PFKFB4: variants seen among roughly 807,000 people sequenced by gnomAD.
PFKFB4 encodes the protein 6-phosphofructo-2-kinase/fructose-2,6-biphosphatase 4, also known as 6-phosphofructo-2-kinase/fructose-2,6-bisphosphatase 4.
In PFKFB4, 42 loss-of-function variants were observed where a neutral mutation model predicts 62.8. The ratio of observed to expected loss-of-function variants is 0.67; its 90% CI spans 0.52 to 0.86. PFKFB4 has a LOEUF of 0.86. Ranked by LOEUF, PFKFB4 falls within the 40% of genes least tolerant of loss-of-function variation. The pLI, the probability that PFKFB4 is intolerant of heterozygous loss-of-function variation, is 0.00. For synonymous variants in PFKFB4, 204 were observed against 240.7 expected, an observed-to-expected ratio of 0.85 and a Z score of 1.41; for missense variants, 475 against 627.2, an observed-to-expected ratio of 0.76 and a Z score of 2.59.
At chr3:48,560,338 A>G (rs2043413460), upstream of PFKFB4, among the ~76,000 whole-genome samples, 1 of 152,122 alleles carries the variant, frequency 6.6e-6, no homozygotes, top group African/African-American at 2.4e-5. Flanking sequence ...GAGGTTCAGG[A>G]GTTTCCAGGA....
intron 6 of PFKFB4, 29 bp downstream of exon 6, chr3:48,539,225 C>T: frequency 1.3e-6 from 2 of 1,581,412 alleles, no homozygotes; most frequent in Non-Finnish European, 1.7e-6. Context: ...CACACACGAC[C>T]TTCTGACAAG....
chr3:48,555,769 G>T (rs901818410), intron 1 of PFKFB4, among the ~76,000 whole-genome samples: 9 of 152,096 alleles, frequency 5.9e-5, no homozygotes, highest in African/African-American at 2.2e-4. Flanking sequence ...AGCTGGGTGT[G>T]GTGGCGCACC....
rs773932178 is a variant in PFKFB4, at chr3:48,536,321, C to T, written c.775G>A (p.Glu259Lys). Reference sequence around the variant, plus strand: ...CGGCCCTTGAGGTTGAGCTCGCTCTCCCCGTGCCGGCAGAGGTAGATGGAG... The same window carrying T: ...CGGCCCTTGAGGTTGAGCTCGCTCTTCCCGTGCCGGCAGAGGTAGATGGAG... ...PRSIYLCRHG[E>K]SELNLKGRIG... Residue 259 changes from glutamate (E) to lysine (K), a missense_variant, in exon 8 of 14, where the codon GAG (glutamate) becomes AAG (lysine). Glu to Lys is a moderately conservative substitution (Grantham distance 56). Transcript: ENST00000232375. 6.2e-7 allele frequency: 1 copy of T among 1,614,236 alleles called. No homozygotes were observed. Among genetic ancestry groups the T allele is most frequent in the Non-Finnish European group, 8.5e-7 (1 of 1,180,048 alleles).
At chr3:48,561,205 C>T, upstream of PFKFB4, 1 of 632,372 alleles carries the variant, frequency 1.6e-6, no homozygotes, top group Non-Finnish European at 2.3e-6. The surrounding 1 kb of genome is among the most constrained non-coding windows in gnomAD (Gnocchi z 5.2). Context: ...GAAGCGACTC[C>T]TGCGGCTCCT....
At chr3:48,524,684 C>T (rs1290866078) in intron 10 of PFKFB4, among the ~76,000 whole-genome samples, 1 of 152,188 alleles carries the variant, frequency 6.6e-6, no homozygotes, top group East Asian at 1.9e-4. Flanking sequence ...TTCCCAAGAG[C>T]TATACTATCC....
At chr3:48,536,607 G>A (rs2042626694) in intron 7 of PFKFB4, 144 bp from the exon 8 acceptor site, 1 of 643,464 alleles carries the variant, frequency 1.6e-6, no homozygotes, top group South Asian at 1.9e-5. Flanking sequence ...CAGCTGGTGT[G>A]CGAGTGATGG....
chr3:48,521,017 T>C lies in PFKFB4; in HGVS notation c.1350+969A>G, dbSNP rs1166421445. 2.6e-5 allele frequency among the ~76,000 whole-genome samples: 4 copies of C among 152,180 alleles called. No individual in the cohort carries two copies. The highest frequency in any genetic ancestry group is 5.9e-5 in the Non-Finnish European group (4 of 68,032). ...GCCTGGGCTGAACTTGGCCAAGACA[T>C]GCACGAACTATCAGAGCAATGGGAA... is the stretch of plus-strand genomic sequence containing the variant. On this transcript the variant is annotated intron_variant, in intron 13 of 13. Transcript: ENST00000232375. This position sits in a 1 kb window ranked among gnomAD's most constrained non-coding sequence, Gnocchi z 5.3.
intron 7 of PFKFB4, among the ~76,000 whole-genome samples, chr3:48,537,120 T>A (rs2042646328): frequency 6.6e-6 from 1 of 152,184 alleles, no homozygotes; most frequent in Admixed American, 6.5e-5. Context: ...CACTGCAGCT[T>A]GGACAGCACA....
chr3:48,549,211 G>A (rs1038166351), intron 3 of PFKFB4, among the ~76,000 whole-genome samples: 3 of 152,142 alleles, frequency 2.0e-5, no homozygotes, highest in South Asian at 2.1e-4. Context: ...AGGGTGGGGC[G>A]GTAGCATATA....
chr3:48,538,742 G>A lies in PFKFB4; in HGVS notation c.511-123C>T, dbSNP rs2042709076. ...GCACCGGAGACCAGTGCGGGAACCT[G>A]AGGCTGGAAGCTGAGGTGGGGGCTG... On this transcript the variant is annotated intron_variant, in intron 6 of 13. Coordinates refer to ENST00000232375, the MANE Select transcript of PFKFB4 (RefSeq NM_004567.4). The A allele has an allele frequency of 2.4e-5, 30 of 1,255,606 alleles. No homozygotes were observed. The South Asian group carries it at 3.9e-4, about 16-fold the overall frequency. 77.8% of individuals were successfully genotyped at this position (1,255,606 alleles called of 1,614,324 possible).
At chr3:48,532,338 A>G (rs2042456175) in intron 9 of PFKFB4, among the ~76,000 whole-genome samples, 1 of 152,120 alleles carries the variant, frequency 6.6e-6, no homozygotes, top group South Asian at 2.1e-4. Flanking sequence ...AATAAATAAT[A>G]AAAACAGAAT....
In PFKFB4 at chr3:48,519,681, AG is replaced by A; in HGVS notation, c.*65del. The A allele has an allele frequency of 8.6e-7, 1 of 1,165,008 alleles. No individual in the cohort carries two copies. The highest frequency in any genetic ancestry group is 1.3e-6 in the Non-Finnish European group (1 of 774,178). 72.2% of individuals were successfully genotyped at this position (1,165,008 alleles called of 1,614,324 possible). Reference sequence around the variant, plus strand: ...GCATGGTGACTATCACACACACTGGAGGGCCTGGAATGACCCCCTCTGCAGA... The same window carrying A: ...GCATGGTGACTATCACACACACTGGAGGCCTGGAATGACCCCCTCTGCAGA... On this transcript the variant is annotated 3_prime_UTR_variant, in exon 14 of 14. Transcript: ENST00000232375.
chr3:48,522,763 CTT>C (rs112668189), intron 12 of PFKFB4, among the ~76,000 whole-genome samples: 20 of 143,602 alleles, frequency 1.4e-4, no homozygotes, highest in East Asian at 2.0e-4. Flanking sequence ...TCACAACAAA[CTT>C]TTTTTTTTTT....
rs1428552432 is a variant in PFKFB4 at position 48,522,024 on chromosome 3, T to C, written c.1312A>G (p.Asn438Asp). The C allele has an allele frequency of 6.2e-7, 1 of 1,614,160 alleles. No individual in the cohort carries two copies. The highest frequency in any genetic ancestry group is 1.6e-4 in the Middle Eastern group (1 of 6,062). ...YGCKVESIFL[N>D]VAAVNTHRDR... Reference sequence around the variant, plus strand: ...CGGTGCGTGTTCACAGCAGCCACGTTCAGGAATATGGACTCCACTTTACAA... The same window carrying C: ...CGGTGCGTGTTCACAGCAGCCACGTCCAGGAATATGGACTCCACTTTACAA... The change falls in exon 13 of 14, where the codon AAC becomes GAC. Residue 438 changes from asparagine to aspartate, a missense_variant. Coordinates refer to ENST00000232375, the MANE Select transcript of PFKFB4 (RefSeq NM_004567.4).
chr3:48,535,423 A>C, intron 9 of PFKFB4, 89 bp downstream of exon 9: 3 of 1,198,352 alleles, frequency 2.5e-6, no homozygotes, highest in Non-Finnish European at 3.6e-6. Context: ...TCCTTTGCCC[A>C]AGGGGAGCAA....
intron 3 of PFKFB4, 70 bp from the exon 4 acceptor site, chr3:48,543,716 C>A (rs2042872493): frequency 1.7e-6 from 2 of 1,195,678 alleles, no homozygotes; most frequent in Non-Finnish European, 2.5e-6. Context: ...CAGGGACACA[C>A]AACAGGAGGA....
chr3:48,551,583 C>T (rs2043158148), intron 1 of PFKFB4, among the ~76,000 whole-genome samples: 1 of 121,314 alleles, frequency 8.2e-6, no homozygotes, highest in Admixed American at 1.1e-4. Flanking sequence ...CGCCCTTGCC[C>T]AGGCTGGAGT....
chr3:48,536,287 C>T lies in PFKFB4; in HGVS notation c.809G>A (p.Gly270Glu), dbSNP rs780911722. 1 of 1,614,068 alleles carries T rather than the reference C, an allele frequency of 6.2e-7. No homozygotes were observed. Residue 270 changes from glycine to glutamate, a missense_variant, in exon 8 of 14, where the codon GGG becomes GAG. Physicochemically the swap from Gly to Glu is moderately conservative, Grantham distance 98. Transcript: ENST00000232375. Reference protein sequence around the residue: ...SELNLKGRIGGDPGLSPRGRE... With the variant: ...SELNLKGRIGEDPGLSPRGRE... ...GCCCCGAGGGGACAGTCCTGGGTCC[C>T]CGCCAATCCGGCCCTTGAGGTTGAG...
chr3:48,547,126 T>G (rs1051072614), intron 3 of PFKFB4, among the ~76,000 whole-genome samples: 1 of 152,164 alleles, frequency 6.6e-6, no homozygotes, highest in Non-Finnish European at 1.5e-5. Context: ...CTACACACCA[T>G]GTATGAGCGT....
Sources: allele counts gnomAD v4.1 joint callset (sites outside exome capture counted in the v4.1 genomes callset), GRCh38; gene constraint gnomAD v4.1.1; non-coding constraint Gnocchi (gnomAD v3.1); transcripts MANE v1.5; gene names NCBI Gene and HGNC (gene_info 2026-07-23, HGNC 2026-07-21).